The following PROM1 variants were observed in gnomAD, a reference collection of about 807,000 sequenced individuals.
PROM1 encodes prominin 1.
PROM1 carries 105 observed loss-of-function variants against 116.9 expected under a neutral mutation model. The ratio of observed to expected loss-of-function variants is 0.90; its 90% CI spans 0.77 to 1.06. The LOEUF (loss-of-function observed/expected upper bound fraction) is 1.06, where lower values mean the gene tolerates loss of function less well. Ranked by LOEUF, PROM1 falls within the 50% of genes least tolerant of loss-of-function variation. PROM1 has a pLI of 0.00. For missense variants in PROM1, 1,122 were observed against 1,045.2 expected (o/e 1.07, Z -1.01); for synonymous variants, 393 against 387.0 (o/e 1.02, Z -0.18).
intron 26 of PROM1, among the ~76,000 whole-genome samples, chr4:15,978,764 C>G (rs994697134): frequency 6.6e-6 from 1 of 152,232 alleles, no homozygotes; most frequent in Non-Finnish European, 1.5e-5. Context: ...GTCTCCACCT[C>G]TTATAAGCAG....
At position 15,987,712 on chromosome 4, in the gene PROM1, G is replaced by A. The variant is rs1290373114; in HGVS notation, c.2081C>T (p.Thr694Ile). ...RVLPIEQSLSTLYQSVKILQR... is the reference protein window; with the variant it reads ...RVLPIEQSLSILYQSVKILQR... Reference sequence around the variant, plus strand: ...AAGTATCTTGACGCTTTGGTATAGAGTGCTCTGGCAAGAAACAGATAATAT... The same window carrying A: ...AAGTATCTTGACGCTTTGGTATAGAATGCTCTGGCAAGAAACAGATAATAT... The change falls in exon 20 of 28, where the codon ACT becomes ATT. Residue 694 changes from threonine to isoleucine, a missense_variant. Transcript: ENST00000447510. 2 of 1,610,544 alleles carry A rather than the reference G, an allele frequency of 1.2e-6. No individual in the cohort carries two copies. Among genetic ancestry groups the A allele is most frequent in the South Asian group, 1.1e-5 (1 of 89,798 alleles).
At chr4:16,059,841 A>G (rs1357897926) in intron 2 of PROM1, among the ~76,000 whole-genome samples, 2 of 152,228 alleles carry the variant, frequency 1.3e-5, no homozygotes, top group Non-Finnish European at 2.9e-5. Context: ...ATTGATAAAT[A>G]ATAAACTACC....
intron 2 of PROM1, among the ~76,000 whole-genome samples, chr4:16,070,653 G>C (rs980818263): frequency 1.3e-5 from 2 of 152,166 alleles, no homozygotes; most frequent in Non-Finnish European, 2.9e-5. Flanking sequence ...AAAGAACAAA[G>C]AAACCAAGAA....
At chr4:16,034,565 A>G (rs2149387897) in intron 4 of PROM1, among the ~76,000 whole-genome samples, 1 of 152,320 alleles carries the variant, frequency 6.6e-6, no homozygotes, top group African/African-American at 2.4e-5. Context: ...ACATATTTTC[A>G]TAATCACTGC....
At chr4:15,997,085 G>C (rs1349786190) in intron 15 of PROM1, among the ~76,000 whole-genome samples, 1 of 151,732 alleles carries the variant, frequency 6.6e-6, no homozygotes, top group Non-Finnish European at 1.5e-5. Context: ...GTGGCTCATA[G>C]CAGAGAGCTG....
At chr4:16,017,561 C>A (rs1728713657) in intron 9 of PROM1, among the ~76,000 whole-genome samples, 1 of 152,196 alleles carries the variant, frequency 6.6e-6, no homozygotes, top group African/African-American at 2.4e-5. Flanking sequence ...TGGCTCATGC[C>A]TGTAATCCCA....
rs1722873448 is a variant in PROM1, at chr4:15,998,478, G to A, written c.1589C>T (p.Thr530Ile). Residue 530 changes from threonine to isoleucine, a missense_variant, in exon 15 of 28, where the codon ACA becomes ATA. By Grantham distance (89) the Thr-to-Ile change is moderately conservative. Transcript: ENST00000447510. ...TSKELFRVLD[T>I]PYLLNEDWEY... ...CCAGTCTTCATTTAGTAAGTAGGGT[G>A]TATCCAAAACCTAGAACACATTAGG... The A allele has an allele frequency of 6.2e-7, 1 of 1,607,902 alleles. No homozygotes were observed. Among genetic ancestry groups the A allele is most frequent in the Non-Finnish European group, 8.5e-7 (1 of 1,178,020 alleles).
At chr4:16,014,804 T>C (rs911627984) in intron 10 of PROM1, among the ~76,000 whole-genome samples, 5 of 152,304 alleles carry the variant, frequency 3.3e-5, no homozygotes, top group Admixed American at 2.6e-4. Context: ...AAAAGAAATA[T>C]TTATTGCATA....
chr4:16,003,790 A>G (rs1476733310), intron 13 of PROM1, among the ~76,000 whole-genome samples: 3 of 152,220 alleles, frequency 2.0e-5, no homozygotes, highest in Non-Finnish European at 2.9e-5. Context: ...CTCCACAAAA[A>G]TAAAATTAAA....
intron 8 of PROM1, among the ~76,000 whole-genome samples, chr4:16,021,400 G>T (rs1729852144): frequency 6.6e-6 from 1 of 152,080 alleles, no homozygotes; most frequent in South Asian, 2.1e-4. Context: ...TTAATTTGGG[G>T]CTGGAAGAGA....
chr4:16,005,031 C>T (rs115313780), intron 13 of PROM1, among the ~76,000 whole-genome samples: 4,230 of 146,816 alleles, frequency 0.029, 76 homozygotes, highest in Middle Eastern at 0.06. Flanking sequence ...GGCACGATCT[C>T]GGCTCACTGT....
chr4:16,039,774 C>T (rs151337731), intron 2 of PROM1, among the ~76,000 whole-genome samples: 2 of 152,102 alleles, frequency 1.3e-5, no homozygotes, highest in East Asian at 1.9e-4. Context: ...CCTTCTCTTC[C>T]TGTCTCCAAG....
chr4:16,019,891 C>T (rs77921360), intron 8 of PROM1, among the ~76,000 whole-genome samples: 3 of 151,858 alleles, frequency 2.0e-5, no homozygotes, highest in Admixed American at 1.3e-4. Flanking sequence ...CACACACACA[C>T]ACACACATTT....
intron 14 of PROM1, among the ~76,000 whole-genome samples, chr4:16,000,282 C>T (rs1031394581): frequency 1.2e-4 from 18 of 152,218 alleles, no homozygotes; most frequent in Non-Finnish European, 1.8e-4. Flanking sequence ...AAAATAAGGA[C>T]GCTCCCATAT....
chr4:15,999,414 T>C (rs536459407), intron 14 of PROM1, among the ~76,000 whole-genome samples: 41 of 151,616 alleles, frequency 2.7e-4, no homozygotes, highest in African/African-American at 9.2e-4. Flanking sequence ...GAGCTGGCAG[T>C]GAGCCTAGAT....
At chr4:16,059,722 A>T (rs769138992) in intron 2 of PROM1, among the ~76,000 whole-genome samples, 16 of 152,158 alleles carry the variant, frequency 1.1e-4, no homozygotes, top group Non-Finnish European at 1.9e-4. Flanking sequence ...TTATAAACTG[A>T]CCTGGCAATT....
intron 23 of PROM1, among the ~76,000 whole-genome samples, chr4:15,983,898 C>T (rs935903993): frequency 1.3e-5 from 2 of 152,144 alleles, no homozygotes; most frequent in Admixed American, 6.5e-5. Context: ...TTTCTAAGGG[C>T]TTTTTAATGA....
chr4:15,991,352 A>G (rs1247560278), intron 17 of PROM1, 59 bp from the exon 18 acceptor site: 4 of 1,156,148 alleles, frequency 3.5e-6, no homozygotes, highest in East Asian at 2.6e-5. Context: ...CCTTAACACA[A>G]CATCTAGTAG....
At position 15,969,290 on chromosome 4, in the gene PROM1, G is replaced by C. The variant is rs1255398096; in HGVS notation, c.*103C>G. ...GAGTCACTACGTTGCCACTGGCGTT[G>C]CTCCTGGATTTGGAAAGTCCTTGTA... On this transcript the variant is annotated 3_prime_UTR_variant, in exon 28 of 28. Transcript: ENST00000447510. 1.3e-5 allele frequency: 2 copies of C among 152,090 alleles called. No homozygotes were observed. Among genetic ancestry groups the C allele is most frequent in the Admixed American group, 1.3e-4 (2 of 15,274 alleles). The allele number at this position is 152,090 out of a possible 1,614,324, so 9.4% of individuals were successfully genotyped here.
Sources: gnomAD v4.1 joint callset for allele counts (sites outside exome capture counted in the v4.1 genomes callset) on GRCh38, gnomAD v4.1.1 for gene constraint, MANE v1.5 for transcripts, NCBI Gene and HGNC (gene_info 2026-07-23, HGNC 2026-07-21) for gene names.